COL23A1: variants seen among roughly 807,000 people sequenced by gnomAD.
COL23A1 encodes the protein collagen alpha-1(XXIII) chain.
Under a neutral mutation model 99.3 loss-of-function variants are expected in COL23A1, and 97 were observed. That is an observed-to-expected ratio of 0.98 (90% CI 0.83 to 1.16). COL23A1 has a LOEUF of 1.16. Ranked by LOEUF, COL23A1 falls within the 50% of genes most tolerant of loss-of-function variation. The pLI is 0.00. For missense variants in COL23A1, 762 were observed against 757.4 expected, an observed-to-expected ratio of 1.01 and a Z score of -0.07; for synonymous variants, 320 against 308.2, an observed-to-expected ratio of 1.04 and a Z score of -0.40.
At chr5:178,518,470 C>G (rs1343284086) in intron 2 of COL23A1, among the ~76,000 whole-genome samples, 1 of 148,084 alleles carries the variant, frequency 6.8e-6, no homozygotes, top group East Asian at 2.0e-4. Flanking sequence ...CCAGTAGGGG[C>G]GGCCGGGCAG....
At chr5:178,554,056 G>A (rs1762143935) in intron 2 of COL23A1, among the ~76,000 whole-genome samples, 1 of 152,342 alleles carries the variant, frequency 6.6e-6, no homozygotes, top group South Asian at 2.1e-4. Flanking sequence ...GGCACAAGGA[G>A]GATAAGTGTG....
At chr5:178,555,680 T>C (rs1762233250) in intron 2 of COL23A1, among the ~76,000 whole-genome samples, 1 of 152,226 alleles carries the variant, frequency 6.6e-6, no homozygotes, top group Non-Finnish European at 1.5e-5. Context: ...ACAGTGACCC[T>C]TGGCTCCAGG....
intron 2 of COL23A1, among the ~76,000 whole-genome samples, chr5:178,529,394 C>A (rs550165722): frequency 7.2e-4 from 110 of 152,218 alleles, no homozygotes; most frequent in African/African-American, 2.6e-3. Flanking sequence ...GGGAACTGCA[C>A]GTGGCGTGAC....
chr5:178,376,295 T>C (rs929877136), intron 2 of COL23A1, among the ~76,000 whole-genome samples: 8 of 152,238 alleles, frequency 5.3e-5, no homozygotes, highest in African/African-American at 1.9e-4. Context: ...TTCTCTGCTA[T>C]TGGTTGGTGC....
chr5:178,334,262 T>C (rs1170337166), intron 2 of COL23A1, among the ~76,000 whole-genome samples: 1 of 152,192 alleles, frequency 6.6e-6, no homozygotes, highest in Non-Finnish European at 1.5e-5. Flanking sequence ...GTGCTGGGTG[T>C]GTCCACATCA....
At chr5:178,391,826 A>G (rs1763978991) in intron 2 of COL23A1, among the ~76,000 whole-genome samples, 3 of 152,206 alleles carry the variant, frequency 2.0e-5, no homozygotes, top group Non-Finnish European at 4.4e-5. Flanking sequence ...CAAGTATCCA[A>G]ATGTCCACCA....
Position 178,559,683 on chromosome 5 carries a change from T to C in COL23A1, c.361+999A>G, listed in dbSNP as rs189910003. 3.3e-4 allele frequency among the ~76,000 whole-genome samples: 47 copies of C among 144,448 alleles called. No individual in the cohort carries two copies. The East Asian group carries it at 7.4e-3, about 23-fold the overall frequency. 94.8% of individuals were successfully genotyped at this position (144,448 alleles called of 152,430 possible). On this transcript the variant is annotated intron_variant, in intron 2 of 28. Coordinates refer to ENST00000390654, the MANE Select transcript of COL23A1 (RefSeq NM_173465.4). ...GAGACACATCATCCAAAAGTCACCT[T>C]TCCCTGCACGTCGAGAAGTCTGAGA...
In COL23A1 at chr5:178,255,659, C is replaced by T. The variant is rs1367126580; in HGVS notation, c.883-633G>A. On this transcript the variant is annotated intron_variant, in intron 15 of 28. Transcript: ENST00000390654. The surrounding 1 kb of genome is among the most constrained non-coding windows in gnomAD (Gnocchi z 4.2). ...CACTTTGGTCCAGACCCGAGCCTAT[C>T]CCTTGTGCAGGCTGGAGACCCTTGC... 2 of 227,296 alleles carry T rather than the reference C, an allele frequency of 8.8e-6. No individual in the cohort carries two copies. The highest frequency in any genetic ancestry group is 4.6e-5 in the South Asian group (1 of 21,678). The allele number at this position is 227,296 out of a possible 1,614,324, so 14.1% of individuals were successfully genotyped here.
At chr5:178,526,845 G>T (rs774164713) in intron 2 of COL23A1, among the ~76,000 whole-genome samples, 2 of 152,206 alleles carry the variant, frequency 1.3e-5, no homozygotes, top group Non-Finnish European at 2.9e-5. Flanking sequence ...AAGGGTGAAA[G>T]AATGAGTCCA....
chr5:178,442,724 T>C (rs530783313), intron 2 of COL23A1, among the ~76,000 whole-genome samples: 3 of 152,208 alleles, frequency 2.0e-5, no homozygotes, highest in Non-Finnish European at 2.9e-5. Flanking sequence ...GTGGAACAGC[T>C]CTGGCTGGAG....
chr5:178,575,205 G>A (rs889448085), intron 1 of COL23A1, among the ~76,000 whole-genome samples: 1 of 152,152 alleles, frequency 6.6e-6, no homozygotes, highest in Non-Finnish European at 1.5e-5. Flanking sequence ...GGAACCTCCA[G>A]GTCTTAACTA....
intron 2 of COL23A1, among the ~76,000 whole-genome samples, chr5:178,528,078 C>T (rs1242539803): frequency 6.6e-6 from 1 of 152,180 alleles, no homozygotes; most frequent in Non-Finnish European, 1.5e-5. Flanking sequence ...ATCTGTGCAC[C>T]TCAGATGCGG....
rs1214962595 is a variant in COL23A1 at position 178,590,135 on chromosome 5, G to A, written c.63C>T (p.Gly21=). Residue 21 remains glycine, a synonymous_variant, in exon 1 of 29, where the codon GGC becomes GGT. Coordinates refer to ENST00000390654, the MANE Select transcript of COL23A1 (RefSeq NM_173465.4). This position sits in a 1 kb window ranked among gnomAD's most constrained non-coding sequence, Gnocchi z 5.7. ...GDAGKGNAAG[G]GGGGRSATTA... is the part of the protein sequence containing the mutation. ...TCGTCGCCGAGCGCCCTCCGCCGCC[G>A]CCGCCCGCCGCATTGCCCTTCCCCG... 5.7e-6 allele frequency: 7 copies of A among 1,237,704 alleles called. No individual in the cohort carries two copies. In the African/African-American group the frequency reaches 7.9e-5, roughly 14 times the overall value. The allele number at this position is 1,237,704 out of a possible 1,614,324, so 76.7% of individuals were successfully genotyped here.
At position 178,255,034 on chromosome 5, in the gene COL23A1, A is replaced by G; in HGVS notation, c.883-8T>C. On this transcript the variant is annotated splice_polypyrimidine_tract_variant and splice_region_variant and intron_variant, in intron 15 of 28. Coordinates refer to ENST00000390654, the MANE Select transcript of COL23A1 (RefSeq NM_173465.4). This position sits in a 1 kb window ranked among gnomAD's most constrained non-coding sequence, Gnocchi z 4.2. ...CTTGAGGCCTGGGGCACCCTGAGGC[A>G]GGAAGAAGAGTAAGAATTTCAGGGA... 1 of 1,611,794 alleles carries G rather than the reference A, an allele frequency of 6.2e-7. No individual in the cohort carries two copies. Among genetic ancestry groups the G allele is most frequent in the Non-Finnish European group, 8.5e-7 (1 of 1,178,216 alleles).
chr5:178,561,718 A>G (rs1294495717), intron 1 of COL23A1: 1 of 152,718 alleles, frequency 6.5e-6, no homozygotes, highest in African/African-American at 2.4e-5. Flanking sequence ...AAAGAGCACA[A>G]ATCTGTGCTG....
intron 2 of COL23A1, among the ~76,000 whole-genome samples, chr5:178,333,352 T>C (rs929416916): frequency 7.2e-5 from 11 of 152,170 alleles, no homozygotes; most frequent in Non-Finnish European, 1.5e-4. Context: ...TTTGTGGCCA[T>C]GGCCTGCAGG....
intron 2 of COL23A1, among the ~76,000 whole-genome samples, chr5:178,452,291 T>C (rs1050490751): frequency 3.9e-5 from 6 of 152,280 alleles, no homozygotes; most frequent in African/African-American, 1.4e-4. Context: ...TTGAAACAAC[T>C]GAGAAGCCAC....
intron 2 of COL23A1, among the ~76,000 whole-genome samples, chr5:178,556,105 TTGGCGGGGAC>T (rs1762257638): frequency 6.6e-6 from 1 of 152,170 alleles, no homozygotes; most frequent in South Asian, 2.1e-4. Flanking sequence ...CCAAACGTCC[TTGGCGGGGAC>T]TGGCCAAGTG....
chr5:178,548,019 C>CTA (rs1356896797), intron 2 of COL23A1, among the ~76,000 whole-genome samples: 5 of 21,696 alleles, frequency 2.3e-4, no homozygotes, highest in Admixed American at 5.6e-4. Context: ...CCACACACAC[C>CTA]CACCCACAAA....
Sources: gnomAD v4.1 joint callset for allele counts (sites outside exome capture counted in the v4.1 genomes callset) on GRCh38, gnomAD v4.1.1 for gene constraint, Gnocchi (gnomAD v3.1) non-coding constraint, MANE v1.5 for transcripts, NCBI Gene and HGNC (gene_info 2026-07-23, HGNC 2026-07-21) for gene names.